IL1RAPL1: variants seen among roughly 807,000 people sequenced by gnomAD.
IL1RAPL1 encodes interleukin-1 receptor accessory protein-like 1.
IL1RAPL1 carries 3 observed loss-of-function variants against 48.4 expected under a neutral mutation model. The observed-to-expected ratio is 0.06, with a 90% CI of 0.03 to 0.16. The LOEUF is 0.16. Ranked by LOEUF, IL1RAPL1 falls within the 10% of genes least tolerant of loss-of-function variation. The pLI, the probability that IL1RAPL1 is intolerant of heterozygous loss-of-function variation, is 1.00. For synonymous variants in IL1RAPL1, 185 were observed against 187.7 expected (o/e 0.99, Z 0.12); for missense variants, 349 against 530.6 (o/e 0.66, Z 3.36).
At chrX:28,637,289 C>T (rs191385982) in intron 1 of IL1RAPL1, among the ~76,000 whole-genome samples, 16 of 111,381 alleles carry the variant, frequency 1.4e-4, no homozygotes, top group Admixed American at 2.9e-4. Context: ...AATAAATGGG[C>T]AGATCTCAAC....
chrX:28,894,936 A>T (rs952698957), intron 2 of IL1RAPL1, among the ~76,000 whole-genome samples: 47 of 110,546 alleles, frequency 4.3e-4, no homozygotes, highest in Non-Finnish European at 6.4e-4. Context: ...GTAACAGATG[A>T]GGATGAAATT....
chrX:28,625,588 G>A (rs1366723387), intron 1 of IL1RAPL1, among the ~76,000 whole-genome samples: 1 of 111,891 alleles, frequency 8.9e-6, no homozygotes, highest in African/African-American at 3.2e-5. Context: ...AGAGAGCCAG[G>A]TGTGCTGAAT....
At chrX:29,232,062 C>T (rs1452299704) in intron 2 of IL1RAPL1, among the ~76,000 whole-genome samples, 1 of 110,688 alleles carries the variant, frequency 9.0e-6, no homozygotes, top group Admixed American at 9.7e-5. Context: ...TTAATGTCGG[C>T]TTTATGGTTT....
intron 1 of IL1RAPL1, among the ~76,000 whole-genome samples, chrX:28,782,110 T>G (rs1936429812): frequency 9.0e-6 from 1 of 111,612 alleles, no homozygotes; most frequent in Non-Finnish European, 1.9e-5. Flanking sequence ...ACTTGATTTG[T>G]TCATTTTCTA....
intron 2 of IL1RAPL1, among the ~76,000 whole-genome samples, chrX:29,154,130 T>C (rs1433983573): frequency 8.9e-6 from 1 of 111,997 alleles, no homozygotes; most frequent in Non-Finnish European, 1.9e-5. Context: ...AGCATGTGTT[T>C]CCTAGAGTGG....
chrX:29,444,668 A>G lies in IL1RAPL1; in HGVS notation c.703+45360A>G, dbSNP rs746991964. Among the ~76,000 whole-genome samples, 6 of 112,159 alleles carry G rather than the reference A, an allele frequency of 5.3e-5. No homozygotes were observed. In the East Asian group the frequency reaches 1.4e-3, roughly 26 times the overall value. The stretch of plus-strand genomic sequence containing the variant: ...GTAGCTCCAGAATGTGGCTGATACA[A>G]TGAGATCAGCAGGGTGTTATACTTC... On this transcript the variant is annotated intron_variant, in intron 5 of 10. Coordinates refer to ENST00000378993, the MANE Select transcript of IL1RAPL1 (RefSeq NM_014271.4).
At chrX:28,712,653 C>T (rs935292473) in intron 1 of IL1RAPL1, among the ~76,000 whole-genome samples, 5 of 110,799 alleles carry the variant, frequency 4.5e-5, no homozygotes, top group South Asian at 3.8e-4. Flanking sequence ...AATCCAGTAG[C>T]GATGTATAGG....
At chrX:29,501,599 C>T (rs188040315) in intron 5 of IL1RAPL1, among the ~76,000 whole-genome samples, 2 of 111,157 alleles carry the variant, frequency 1.8e-5, no homozygotes, top group African/African-American at 3.3e-5. Context: ...GTTCTTGTTG[C>T]GTTTGTCAAA....
At chrX:29,774,458 A>T (rs1378059126) in intron 6 of IL1RAPL1, among the ~76,000 whole-genome samples, 1 of 112,030 alleles carries the variant, frequency 8.9e-6, no homozygotes, top group Non-Finnish European at 1.9e-5. Context: ...TGCTTGCATA[A>T]ACAACATTAA....
At chrX:28,863,577 TATA>T (rs1922005382) in intron 2 of IL1RAPL1, among the ~76,000 whole-genome samples, 1 of 111,549 alleles carries the variant, frequency 9.0e-6, no homozygotes, top group South Asian at 3.7e-4. Context: ...TGTTATTTAT[TATA>T]ATAACTGTTA....
intron 2 of IL1RAPL1, among the ~76,000 whole-genome samples, chrX:29,127,002 A>G (rs5985958): frequency 0.21 from 22,842 of 110,653 alleles, 2,028 homozygotes; most frequent in African/African-American, 0.33. Context: ...CTTAATCTCT[A>G]GTATGTAAGT....
At chrX:29,121,696 G>A (rs1251042321) in intron 2 of IL1RAPL1, among the ~76,000 whole-genome samples, 1 of 111,724 alleles carries the variant, frequency 9.0e-6, no homozygotes, top group Non-Finnish European at 1.9e-5. Context: ...TGATTCAGTT[G>A]AGACCACTCA....
chrX:29,174,049 T>G (rs1929959655), intron 2 of IL1RAPL1, among the ~76,000 whole-genome samples: 1 of 109,176 alleles, frequency 9.2e-6, no homozygotes, highest in African/African-American at 3.3e-5. Flanking sequence ...GCCTCCCGAG[T>G]AGCTGGGATT....
In IL1RAPL1 at chrX:29,716,388, C is replaced by T. The variant is rs183929086; in HGVS notation, c.778+47884C>T. On this transcript the variant is annotated intron_variant, in intron 6 of 10. Transcript: ENST00000378993. ...TCATCTCAGTAATATATACTGGCTT[C>T]CCACCAGAAAACCATTTATCCTATT... 5.4e-5 allele frequency among the ~76,000 whole-genome samples: 6 copies of T among 111,506 alleles called. No homozygotes were observed. In the East Asian group the frequency reaches 1.7e-3, roughly 31 times the overall value.
chrX:29,911,001 T>C lies in IL1RAPL1; in HGVS notation c.779-6463T>C, dbSNP rs1224142556. 3.6e-5 allele frequency among the ~76,000 whole-genome samples: 4 copies of C among 111,611 alleles called. No individual in the cohort carries two copies. The Admixed American group carries it at 3.8e-4, about 11-fold the overall frequency. ...TTAAACATAAGATTCTCTTATGGCC[T>C]AGCAACATCACTCCTAGGTATGTAC... On this transcript the variant is annotated intron_variant, in intron 6 of 10. Transcript: ENST00000378993.
chrX:29,229,616 T>G (rs1022749860), intron 2 of IL1RAPL1, among the ~76,000 whole-genome samples: 2 of 112,056 alleles, frequency 1.8e-5, no homozygotes, highest in Non-Finnish European at 3.8e-5. Flanking sequence ...TATGTAATTC[T>G]CCTTTGGATA....
chrX:28,612,692 A>C (rs959361598), intron 1 of IL1RAPL1, among the ~76,000 whole-genome samples: 1 of 112,348 alleles, frequency 8.9e-6, no homozygotes, highest in African/African-American at 3.2e-5. Flanking sequence ...TTGTGCACAA[A>C]TGGTGAAGAG....
At chrX:28,861,484 A>G (rs1921942117) in intron 2 of IL1RAPL1, among the ~76,000 whole-genome samples, 1 of 112,227 alleles carries the variant, frequency 8.9e-6, no homozygotes, top group South Asian at 3.7e-4. Context: ...ACTTTTTTCA[A>G]GATGAGTGAC....
At chrX:29,102,661 C>A (rs1928366040) in intron 2 of IL1RAPL1, among the ~76,000 whole-genome samples, 1 of 99,700 alleles carries the variant, frequency 1.0e-5, no homozygotes. Flanking sequence ...AGCAAAACTC[C>A]ATCTCAAAAA....
Sources: allele counts gnomAD v4.1 joint callset (sites outside exome capture counted in the v4.1 genomes callset), GRCh38; gene constraint gnomAD v4.1.1; transcripts MANE v1.5; gene names NCBI Gene and HGNC (gene_info 2026-07-23, HGNC 2026-07-21).